The following CIT variants were observed in gnomAD, a reference collection of about 807,000 sequenced individuals.
CIT encodes citron Rho-interacting kinase.
A neutral mutation model predicts 272.7 loss-of-function variants in CIT; 79 were observed. That is an observed-to-expected ratio of 0.29 (90% CI 0.24 to 0.35). The LOEUF is 0.35. Ranked by LOEUF, CIT falls within the 10% of genes least tolerant of loss-of-function variation. The pLI is 1.00. For missense variants in CIT, 1,909 were observed against 2,618.3 expected, an observed-to-expected ratio of 0.73 and a Z score of 5.91; for synonymous variants, 948 against 995.6, an observed-to-expected ratio of 0.95 and a Z score of 0.90.
chr12:119,828,571 A>ATTTT (rs767267101), intron 7 of CIT, among the ~76,000 whole-genome samples: 1 of 145,036 alleles, frequency 6.9e-6, no homozygotes, highest in African/African-American at 2.5e-5. Context: ...AACTTAGTTA[A>ATTTT]TTTTTTTTTT....
At chr12:119,849,430 A>C (rs1391227922) in intron 5 of CIT, among the ~76,000 whole-genome samples, 3 of 152,196 alleles carry the variant, frequency 2.0e-5, no homozygotes, top group Admixed American at 2.0e-4. Context: ...CTGTCTCAAA[A>C]AAAAAGAAAA....
chr12:119,764,234 A>G (rs760208424), intron 19 of CIT, among the ~76,000 whole-genome samples: 7 of 152,342 alleles, frequency 4.6e-5, no homozygotes, highest in Admixed American at 2.0e-4. Flanking sequence ...AAGAGAAACA[A>G]CAGAGCAGAA....
chr12:119,790,884 T>C (rs1260807880), intron 10 of CIT, among the ~76,000 whole-genome samples: 1 of 152,206 alleles, frequency 6.6e-6, no homozygotes, highest in African/African-American at 2.4e-5. Flanking sequence ...ATTCCTGTCC[T>C]CAAGGAAGTA....
At chr12:119,814,824 G>A (rs1966991238) in intron 9 of CIT, among the ~76,000 whole-genome samples, 3 of 152,036 alleles carry the variant, frequency 2.0e-5, no homozygotes, top group Non-Finnish European at 4.4e-5. Flanking sequence ...ATTACCTGAG[G>A]TCAGGAGTTC....
intron 9 of CIT, among the ~76,000 whole-genome samples, chr12:119,813,946 T>C (rs1009725468): frequency 6.6e-6 from 1 of 152,108 alleles, no homozygotes; most frequent in East Asian, 1.9e-4. Context: ...CTGGGGCTCT[T>C]GTAACTGTTT....
chr12:119,708,206 C>T lies in CIT; in HGVS notation c.5184G>A (p.Lys1728=), dbSNP rs752457997. Residue 1728 remains lysine (K), a synonymous_variant, in exon 40 of 48, where the codon AAG becomes AAA. Transcript: ENST00000392521. ...TGCCTGCCCCAAACAAGTGGCAGCC[C>T]TTGACAGCTTCAAAAATGTTGGGTG... is the stretch of plus-strand genomic sequence containing the variant. The part of the protein sequence containing the change: ...DISPNIFEAV[K]GCHLFGAGKI... 4.4e-6 allele frequency: 7 copies of T among 1,600,804 alleles called. No homozygotes were observed. The South Asian group carries it at 5.6e-5, about 13-fold the overall frequency.
chr12:119,819,325 G>C (rs1967481885), intron 9 of CIT, among the ~76,000 whole-genome samples: 1 of 152,084 alleles, frequency 6.6e-6, no homozygotes, highest in African/African-American at 2.4e-5. Context: ...TTCATGGGGT[G>C]CTGCCTGCAG....
rs557884691 is a variant in CIT, at chr12:119,716,850, A to G, written c.4168+1395T>C. Among the ~76,000 whole-genome samples, 3 of 152,300 alleles carry G rather than the reference A, an allele frequency of 2.0e-5. No homozygotes were observed. In the East Asian group the frequency reaches 5.8e-4, roughly 29 times the overall value. ...TTGGAAACAACCTAAATGGCCATCAACAGGAGCCTGGCTTAACAGGTGAAT... is the reference window on the plus strand; with the variant it reads ...TTGGAAACAACCTAAATGGCCATCAGCAGGAGCCTGGCTTAACAGGTGAAT... On this transcript the variant is annotated intron_variant, in intron 32 of 47. Coordinates refer to ENST00000392521, the MANE Select transcript of CIT (RefSeq NM_001206999.2).
chr12:119,729,830 A>G (rs1309458407), intron 27 of CIT, among the ~76,000 whole-genome samples: 2 of 152,248 alleles, frequency 1.3e-5, no homozygotes, highest in East Asian at 3.8e-4. Flanking sequence ...TATGTGCATG[A>G]AAAAGAGTGT....
intron 32 of CIT, among the ~76,000 whole-genome samples, chr12:119,716,696 G>A (rs1232067944): frequency 1.3e-5 from 2 of 152,190 alleles, no homozygotes; most frequent in East Asian, 3.9e-4. Context: ...ATAAACATTG[G>A]CACAAACTAC....
intron 4 of CIT, among the ~76,000 whole-genome samples, chr12:119,852,622 A>G (rs1463927543): frequency 6.6e-6 from 1 of 151,886 alleles, no homozygotes; most frequent in Non-Finnish European, 1.5e-5. Context: ...GAATCACTGG[A>G]ACCCGGGGGC....
At chr12:119,817,226 G>A (rs1234096306) in intron 9 of CIT, among the ~76,000 whole-genome samples, 1 of 152,194 alleles carries the variant, frequency 6.6e-6, no homozygotes, top group East Asian at 1.9e-4. Flanking sequence ...TCAAGCACAT[G>A]TGGGGCCAGG....
intron 9 of CIT, 42 bp from the exon 10 acceptor site, chr12:119,803,431 A>C (rs1966378552): frequency 7.0e-7 from 1 of 1,430,246 alleles, no homozygotes; most frequent in Non-Finnish European, 9.4e-7. Flanking sequence ...GAGGAAAAAA[A>C]ATTTCAGCCG....
At chr12:119,698,200 T>G (rs760092379) in intron 44 of CIT, 146 bp from the exon 45 acceptor site, 65 of 702,494 alleles carry the variant, frequency 9.3e-5, no homozygotes, top group Non-Finnish European at 1.5e-4. Flanking sequence ...GCCAGAACAG[T>G]CATGCATGTT....
chr12:119,857,264 G>C (rs1356398406), intron 4 of CIT, among the ~76,000 whole-genome samples: 3 of 152,110 alleles, frequency 2.0e-5, no homozygotes, highest in African/African-American at 7.2e-5. Context: ...TAGCTAAAAG[G>C]CCACCTTGGT....
rs940511203 is a variant in CIT at position 119,731,292 on chromosome 12, T to C, written c.3351-662A>G. Reference sequence around the variant, plus strand: ...GAGTTCGAGACCAGCCTGGCCAACATGGTGAAACCCCGTCTCTACAAAAGA... The same window carrying C: ...GAGTTCGAGACCAGCCTGGCCAACACGGTGAAACCCCGTCTCTACAAAAGA... On this transcript the variant is annotated intron_variant, in intron 26 of 47. Transcript: ENST00000392521. Among the ~76,000 whole-genome samples the C allele has an allele frequency of 4.6e-5, 7 of 151,974 alleles. No individual in the cohort carries two copies. The South Asian group carries it at 8.3e-4, about 18-fold the overall frequency.
intron 2 of CIT, among the ~76,000 whole-genome samples, chr12:119,875,265 T>C (rs1403524622): frequency 2.6e-5 from 4 of 152,174 alleles, no homozygotes; most frequent in Non-Finnish European, 4.4e-5. Flanking sequence ...ATTGTGCCAA[T>C]GCACTCCAGC....
At chr12:119,806,719 G>A (rs1370070289) in intron 9 of CIT, among the ~76,000 whole-genome samples, 1 of 144,454 alleles carries the variant, frequency 6.9e-6, no homozygotes, top group Non-Finnish European at 1.5e-5. Context: ...TGCAACAACA[G>A]ATACAAGAAA....
chr12:119,690,079 G>A lies in CIT; in HGVS notation c.6186+72C>T. On this transcript the variant is annotated intron_variant, in intron 47 of 47. Transcript: ENST00000392521. This position sits in a 1 kb window ranked among gnomAD's most constrained non-coding sequence, Gnocchi z 6.0. ...TCCTTTTTTAAACAACAGTGGCCCC[G>A]TGGGGGCCTCAGTTCCCCAAGTCAC... is the stretch of plus-strand genomic sequence containing the variant. 1.0e-5 allele frequency: 14 copies of A among 1,352,640 alleles called. No individual in the cohort carries two copies. Among genetic ancestry groups the A allele is most frequent in the Non-Finnish European group, 1.2e-5 (13 of 1,043,208 alleles). The allele number at this position is 1,352,640 out of a possible 1,614,324, so 83.8% of individuals were successfully genotyped here.
Sources: gnomAD v4.1 joint callset for allele counts (sites outside exome capture counted in the v4.1 genomes callset) on GRCh38, gnomAD v4.1.1 for gene constraint, Gnocchi (gnomAD v3.1) non-coding constraint, MANE v1.5 for transcripts, NCBI Gene and HGNC (gene_info 2026-07-23, HGNC 2026-07-21) for gene names.